The following RPS24 variants were observed in gnomAD, a reference collection of about 807,000 sequenced individuals.
RPS24 encodes the protein small ribosomal subunit protein eS24.
For missense variants in RPS24, 100 were observed against 162.5 expected (o/e 0.62, Z 2.09); for synonymous variants, 72 against 55.6 (o/e 1.30, Z -1.31).
downstream of RPS24, chr10:78,040,713 G>A: frequency 6.2e-7 from 1 of 1,604,750 alleles, no homozygotes; most frequent in Non-Finnish European, 8.5e-7. Flanking sequence ...CTGGTTGTTT[G>A]AAATGTATTT....
intron 4 of RPS24, chr10:78,039,313 C>T (rs759784084): frequency 1.3e-5 from 2 of 152,226 alleles, no homozygotes; most frequent in African/African-American, 4.8e-5. Flanking sequence ...TGATTGTTCT[C>T]TTCATCCAGC....
chr10:78,036,039 T>G, intron 3 of RPS24: 1 of 383,362 alleles, frequency 2.6e-6, no homozygotes, highest in South Asian at 2.2e-5. Context: ...TAGTTTGGAT[T>G]AAGTCTGCAT....
intron 4 of RPS24, among the ~76,000 whole-genome samples, chr10:78,051,796 A>G (rs1331672993): frequency 6.6e-6 from 1 of 152,144 alleles, no homozygotes; most frequent in Admixed American, 6.5e-5. Flanking sequence ...TTTGATTTGC[A>G]TTTCATAATA....
chr10:78,050,207 C>A (rs1358618450), intron 4 of RPS24, among the ~76,000 whole-genome samples: 1 of 152,142 alleles, frequency 6.6e-6, no homozygotes. Flanking sequence ...CCCTTTCTGC[C>A]CCATGGCTGC....
intron 4 of RPS24, chr10:78,049,010 T>C (rs964211373): frequency 6.6e-6 from 1 of 152,214 alleles, no homozygotes; most frequent in Admixed American, 6.5e-5. Context: ...GGAGAGCTCT[T>C]CAGTTCCTTT....
downstream of RPS24, among the ~76,000 whole-genome samples, chr10:78,045,396 C>G (rs1848033087): frequency 6.6e-6 from 1 of 152,174 alleles, no homozygotes. Context: ...CAAAAGACTT[C>G]CCTTTTCTGG....
rs771537136 is a variant in RPS24 at position 78,035,683 on chromosome 10, A to C, written c.242A>C (p.Tyr81Ser). 6.2e-7 allele frequency: 1 copy of C among 1,603,354 alleles called. No individual in the cohort carries two copies. The highest frequency in any genetic ancestry group is 8.5e-7 in the Non-Finnish European group (1 of 1,179,932). Residue 81 changes from tyrosine (Y) to serine (S), a missense_variant, in exon 3 of 6, where the codon TAT becomes TCT. Coordinates refer to ENST00000372360, the MANE Select transcript of RPS24 (RefSeq NM_033022.4). ...GFGMIYDSLD[Y>S]AKKNEPKHRL... ...GGCATGATTTATGATTCCCTGGATT[A>C]TGCAAAGAAAAATGAACCCAAACAT...
At chr10:78,049,979 T>G (rs562088176) in intron 4 of RPS24, among the ~76,000 whole-genome samples, 1 of 152,284 alleles carries the variant, frequency 6.6e-6, no homozygotes, top group South Asian at 2.1e-4. Flanking sequence ...ATAGGGATCC[T>G]TTCAGCAGAA....
intron 1 of RPS24, chr10:78,034,162 T>G (rs1589325437): frequency 1.6e-5 from 3 of 187,362 alleles, no homozygotes; most frequent in Non-Finnish European, 3.0e-5. Context: ...GTTGACTTCG[T>G]GGAGCACGGT....
chr10:78,052,095 G>T (rs573623057), intron 4 of RPS24, among the ~76,000 whole-genome samples: 1 of 151,864 alleles, frequency 6.6e-6, no homozygotes, highest in East Asian at 1.9e-4. Flanking sequence ...GCTTGATCTC[G>T]GCTCACTGCA....
At chr10:78,037,617 A>G (rs1235404883) in intron 4 of RPS24, 2 of 358,884 alleles carry the variant, frequency 5.6e-6, no homozygotes, top group African/African-American at 2.1e-5. Flanking sequence ...ATTGGCATAG[A>G]ACCTTCAATG....
In RPS24 at chr10:78,040,223, C is replaced by A. The variant is rs765319634; in HGVS notation, c.*17C>A. The stretch of plus-strand genomic sequence containing the variant: ...ATTCAGTGAGCTGGAGATTGGATCA[C>A]AGGTATAATTCAAGCTTTTCATGTA... On this transcript the variant is annotated splice_region_variant and 3_prime_UTR_variant, in exon 5 of 6. Coordinates refer to ENST00000372360, the MANE Select transcript of RPS24 (RefSeq NM_033022.4). The A allele has an allele frequency of 6.2e-7, 1 of 1,613,332 alleles. No homozygotes were observed. Among genetic ancestry groups the A allele is most frequent in the East Asian group, 2.2e-5 (1 of 44,884 alleles).
At chr10:78,035,448 T>C in intron 2 of RPS24, 31 bp downstream of exon 2, 11 of 1,613,368 alleles carry the variant, frequency 6.8e-6, no homozygotes, top group Non-Finnish European at 9.3e-6. Context: ...CTTTGCTTAA[T>C]TGTCCTTTAC....
At chr10:78,039,860 G>A (rs1256670705) in intron 4 of RPS24, 3 of 382,654 alleles carry the variant, frequency 7.8e-6, no homozygotes, top group Middle Eastern at 8.5e-4. Flanking sequence ...ATGTTGCTGG[G>A]CAGAGCAGAG....
chr10:78,038,028 A>G (rs920188666), intron 4 of RPS24: 2 of 1,216,408 alleles, frequency 1.6e-6, no homozygotes, highest in African/African-American at 1.6e-5. Context: ...ACCTTCACTG[A>G]GTTTGCTTTG....
At chr10:78,042,442 G>C (rs1847996275), downstream of RPS24, among the ~76,000 whole-genome samples, 1 of 152,224 alleles carries the variant, frequency 6.6e-6, no homozygotes, top group Admixed American at 6.5e-5. Flanking sequence ...GGCTGAGGAT[G>C]TAACAACTGT....
chr10:78,034,270 C>T (rs991747923), intron 1 of RPS24: 11 of 407,374 alleles, frequency 2.7e-5, no homozygotes, highest in Admixed American at 2.3e-4. Context: ...CAGGTGATGG[C>T]AGTACAAGAG....
downstream of RPS24, among the ~76,000 whole-genome samples, chr10:78,044,903 C>T (rs1848027711): frequency 6.6e-6 from 1 of 151,856 alleles, no homozygotes; most frequent in African/African-American, 2.4e-5. Flanking sequence ...ACAGGAAATA[C>T]TTTGGCAACG....
At chr10:78,034,859 GTT>G (rs1204383767) in intron 1 of RPS24, among the ~76,000 whole-genome samples, 2 of 152,208 alleles carry the variant, frequency 1.3e-5, no homozygotes, top group Non-Finnish European at 2.9e-5. Flanking sequence ...AGCCACAGCA[GTT>G]TTTACCCCAG....
Sources: allele counts gnomAD v4.1 joint callset (sites outside exome capture counted in the v4.1 genomes callset), GRCh38; gene constraint gnomAD v4.1.1; transcripts MANE v1.5; gene names NCBI Gene and HGNC (gene_info 2026-07-23, HGNC 2026-07-21).